The following ZFHX3 variants were observed in gnomAD, a reference collection of about 807,000 sequenced individuals.
ZFHX3 encodes the protein zinc finger homeobox protein 3.
In ZFHX3, 42 loss-of-function variants were observed where a neutral mutation model predicts 279.1. That is an observed-to-expected ratio of 0.15 (90% confidence interval 0.12 to 0.19). The LOEUF is 0.19. Among genes scored for constraint, ZFHX3 ranks in the 10% least tolerant of loss-of-function variants. The pLI is 1.00. For missense variants in ZFHX3, 4,981 were observed against 4,754.0 expected (o/e 1.05, Z -1.40); for synonymous variants, 2,293 against 1,957.8 (o/e 1.17, Z -4.52).
At position 73,601,871 on chromosome 16, in the gene ZFHX3, TGTGA is replaced by T. The variant is rs757498974; in HGVS notation, c.-1547+78305_-1547+78308del. Among the ~76,000 whole-genome samples the T allele has an allele frequency of 3.9e-5, 6 of 152,182 alleles. No individual in the cohort carries two copies. In the East Asian group the frequency reaches 7.7e-4, roughly 20 times the overall value. ...ATAAAGGAAATGCTGGAAAAAAACA[TGTGA>T]GTGTAGCAAAAGTATAATATGGTCA... On this transcript the variant is annotated intron_variant, in intron 2 of 17. Transcript: ENST00000641206.
intron 1 of ZFHX3, among the ~76,000 whole-genome samples, chr16:73,011,670 T>C (rs1225067851): frequency 4.6e-5 from 7 of 151,524 alleles, no homozygotes; most frequent in African/African-American, 1.2e-4. Context: ...TCGCAGTGCA[T>C]GGATATCATG....
chr16:73,631,206 T>C (rs752952186), intron 2 of ZFHX3, among the ~76,000 whole-genome samples: 2 of 152,216 alleles, frequency 1.3e-5, no homozygotes, highest in Non-Finnish European at 2.9e-5. Context: ...AGTATCTATA[T>C]GTAAAGGCTC....
At chr16:73,448,200 A>G (rs1284338061) in intron 3 of ZFHX3, among the ~76,000 whole-genome samples, 1 of 152,174 alleles carries the variant, frequency 6.6e-6, no homozygotes, top group Non-Finnish European at 1.5e-5. Context: ...AAGATTATAC[A>G]TTAAGGTTGA....
At chr16:73,482,964 T>C (rs186326778) in intron 2 of ZFHX3, among the ~76,000 whole-genome samples, 7 of 152,330 alleles carry the variant, frequency 4.6e-5, no homozygotes, top group Admixed American at 2.6e-4. Context: ...AACTTCCCAT[T>C]AACTACCGCA....
chr16:72,964,724 A>C (rs564460498), intron 1 of ZFHX3, among the ~76,000 whole-genome samples: 2 of 152,190 alleles, frequency 1.3e-5, no homozygotes, highest in South Asian at 4.2e-4. Context: ...GTCATCACTT[A>C]ATGAGTTAGG....
rs557523763 is a variant in ZFHX3, at chr16:72,795,559, G to C, written c.7123C>G (p.Leu2375Val). The part of the protein sequence containing the change: ...NEDSMDAMEI[L>V]TPTSSSCSTP... The stretch of plus-strand genomic sequence containing the variant: ...CTGCAGGATGAGCTGGTAGGCGTCA[G>C]GATTTCCATGGCATCCATGGAATCC... The change falls in exon 9 of 10, where the codon CTG (leucine) becomes GTG (valine). Residue 2375 changes from leucine to valine, a missense_variant. Physicochemically the swap from Leu to Val is conservative, Grantham distance 32. This residue lies in a region of ZFHX3 where 744 missense variants were observed against 701.3 expected (regional missense o/e 1.06). Coordinates refer to ENST00000268489, the MANE Select transcript of ZFHX3 (RefSeq NM_006885.4). 1.2e-6 allele frequency: 2 copies of C among 1,614,062 alleles called. No homozygotes were observed. Among genetic ancestry groups the C allele is most frequent in the African/African-American group, 2.7e-5 (2 of 75,000 alleles).
intron 3 of ZFHX3, among the ~76,000 whole-genome samples, chr16:73,448,513 G>T (rs1352216461): frequency 3.9e-5 from 6 of 151,992 alleles, no homozygotes; most frequent in Admixed American, 3.9e-4. Flanking sequence ...AACTGCTACA[G>T]GGCAAAGGCT....
chr16:73,408,064 G>A (rs2017397549), intron 3 of ZFHX3, among the ~76,000 whole-genome samples: 1 of 151,868 alleles, frequency 6.6e-6, no homozygotes. Flanking sequence ...AGTGGATGGG[G>A]GTGGGTGGGG....
intron 2 of ZFHX3, among the ~76,000 whole-genome samples, chr16:73,649,936 G>T (rs907958115): frequency 6.6e-6 from 1 of 152,168 alleles, no homozygotes; most frequent in Non-Finnish European, 1.5e-5. Context: ...AGATAGATCT[G>T]GATGTGAGTC....
intron 5 of ZFHX3, among the ~76,000 whole-genome samples, chr16:73,252,049 G>A (rs2013525520): frequency 6.6e-6 from 1 of 151,952 alleles, no homozygotes; most frequent in South Asian, 2.1e-4. Context: ...TGGGGAGGGA[G>A]CTTGGGGAAT....
chr16:73,365,801 C>T (rs1164424644), intron 3 of ZFHX3, among the ~76,000 whole-genome samples: 3 of 152,150 alleles, frequency 2.0e-5, no homozygotes, highest in Admixed American at 2.0e-4. Flanking sequence ...TAAAAAATGT[C>T]TTTCTTAGGC....
chr16:73,298,945 T>C (rs1183375243), intron 4 of ZFHX3, among the ~76,000 whole-genome samples: 3 of 152,228 alleles, frequency 2.0e-5, no homozygotes, highest in Non-Finnish European at 4.4e-5. Context: ...GTGTATTTCT[T>C]AAAGATCTCA....
intron 2 of ZFHX3, among the ~76,000 whole-genome samples, chr16:73,593,244 A>G (rs879608441): frequency 8.5e-5 from 13 of 152,158 alleles, no homozygotes; most frequent in Admixed American, 2.6e-4. Context: ...AAGAACAGAA[A>G]AAAGGGAACA....
chr16:73,257,382 G>C (rs2013689693), intron 4 of ZFHX3, among the ~76,000 whole-genome samples: 1 of 152,194 alleles, frequency 6.6e-6, no homozygotes, highest in African/African-American at 2.4e-5. Context: ...AGGGCCATTG[G>C]AAGATTAGCC....
chr16:73,026,827 C>T (rs1964528909), intron 1 of ZFHX3, among the ~76,000 whole-genome samples: 1 of 152,094 alleles, frequency 6.6e-6, no homozygotes. Flanking sequence ...AGATTTTATT[C>T]CAGAGACCAG....
intron 1 of ZFHX3, among the ~76,000 whole-genome samples, chr16:73,846,848 C>G (rs1961461832): frequency 6.6e-6 from 1 of 152,188 alleles, no homozygotes; most frequent in African/African-American, 2.4e-5. Context: ...CGTTCCTACA[C>G]CCCCATAAAA....
At chr16:73,310,818 T>C (rs1230725154) in intron 4 of ZFHX3, among the ~76,000 whole-genome samples, 1 of 152,214 alleles carries the variant, frequency 6.6e-6, no homozygotes, top group African/African-American at 2.4e-5. Flanking sequence ...CAGTCATGTT[T>C]TCAATTATAA....
At chr16:72,846,968 T>C (rs191986715) in intron 4 of ZFHX3, among the ~76,000 whole-genome samples, 33 of 152,180 alleles carry the variant, frequency 2.2e-4, no homozygotes, top group African/African-American at 7.7e-4. Context: ...CTCTGAAGCC[T>C]CTCCCTGAGA....
chr16:73,665,075 C>T (rs1335413060), intron 2 of ZFHX3, among the ~76,000 whole-genome samples: 1 of 152,158 alleles, frequency 6.6e-6, no homozygotes, highest in African/African-American at 2.4e-5. Context: ...TGTCCCTGCT[C>T]TCACGGAGTT....
Sources: allele counts gnomAD v4.1 joint callset (sites outside exome capture counted in the v4.1 genomes callset), GRCh38; gene constraint gnomAD v4.1.1; regional missense constraint gnomAD v4.1.1; transcripts MANE v1.5; gene names NCBI Gene and HGNC (gene_info 2026-07-23, HGNC 2026-07-21).